CACNA2D1: variants seen among roughly 807,000 people sequenced by gnomAD.
CACNA2D1 encodes the protein calcium voltage-gated channel auxiliary subunit alpha2delta 1.
In CACNA2D1, 53 loss-of-function variants were observed where a neutral mutation model predicts 171.5. The observed-to-expected ratio is 0.31, with a 90% CI of 0.25 to 0.39. The LOEUF (loss-of-function observed/expected upper bound fraction) is 0.39, where lower values mean the gene tolerates loss of function less well. Ranked by LOEUF, CACNA2D1 falls within the 10% of genes least tolerant of loss-of-function variation. CACNA2D1 has a pLI of 1.00. For missense variants in CACNA2D1, 903 were observed against 1,299.8 expected (o/e 0.69, Z 4.69); for synonymous variants, 442 against 443.1 (o/e 1.00, Z 0.03).
chr7:82,348,820 T>G (rs1819543640), intron 2 of CACNA2D1, among the ~76,000 whole-genome samples: 2 of 152,108 alleles, frequency 1.3e-5, no homozygotes, highest in Non-Finnish European at 2.9e-5. Flanking sequence ...CAACACAAAA[T>G]GAGAATATTT....
chr7:82,024,460 C>A (rs143477829), intron 12 of CACNA2D1, among the ~76,000 whole-genome samples: 1,831 of 151,794 alleles, frequency 0.012, 11 homozygotes, highest in Non-Finnish European at 0.02. Context: ...CCAAAAACAT[C>A]AAGTACTTAG....
At chr7:82,246,413 T>C (rs1804932062) in intron 3 of CACNA2D1, among the ~76,000 whole-genome samples, 1 of 152,168 alleles carries the variant, frequency 6.6e-6, no homozygotes, top group Non-Finnish European at 1.5e-5. Flanking sequence ...TTAACCAATC[T>C]ACTATTATTT....
intron 4 of CACNA2D1, among the ~76,000 whole-genome samples, chr7:82,162,478 G>A (rs928416482): frequency 6.6e-6 from 1 of 151,948 alleles, no homozygotes; most frequent in Non-Finnish European, 1.5e-5. Context: ...AAAGGAGGAG[G>A]TCATTTTGCA....
intron 12 of CACNA2D1, among the ~76,000 whole-genome samples, chr7:82,024,317 C>A (rs1003855596): frequency 6.6e-6 from 1 of 151,636 alleles, no homozygotes; most frequent in African/African-American, 2.4e-5. Context: ...CAACACTTGT[C>A]TTTTGTTTCT....
intron 2 of CACNA2D1, among the ~76,000 whole-genome samples, chr7:82,345,868 C>T (rs928690853): frequency 5.9e-5 from 9 of 152,022 alleles, no homozygotes; most frequent in Non-Finnish European, 1.0e-4. Context: ...AGCTTTAATA[C>T]ATTTTTATAT....
chr7:82,019,988 T>C (rs1800986963), intron 12 of CACNA2D1, among the ~76,000 whole-genome samples: 1 of 152,178 alleles, frequency 6.6e-6, no homozygotes, highest in Non-Finnish European at 1.5e-5. Context: ...GTTTCCATAA[T>C]TCACAAATAC....
chr7:82,323,010 T>C (rs1444070726), intron 3 of CACNA2D1, among the ~76,000 whole-genome samples: 1 of 152,206 alleles, frequency 6.6e-6, no homozygotes. Context: ...AGTTAACATT[T>C]AGGAATCAGA....
chr7:82,218,869 G>T (rs561707630), intron 3 of CACNA2D1, among the ~76,000 whole-genome samples: 3 of 150,458 alleles, frequency 2.0e-5, no homozygotes, highest in Non-Finnish European at 4.4e-5. Flanking sequence ...AAATAGTTAT[G>T]TATTTTCATT....
intron 5 of CACNA2D1, among the ~76,000 whole-genome samples, chr7:82,125,099 A>G (rs1415820699): frequency 3.3e-5 from 5 of 152,212 alleles, no homozygotes; most frequent in Non-Finnish European, 4.4e-5. Context: ...AATGTAGACA[A>G]GACTCTGCTG....
rs77667227 is a variant in CACNA2D1, at chr7:82,102,798, T to C, written c.526+14246A>G. Among the ~76,000 whole-genome samples, 171 of 152,232 alleles carry C rather than the reference T, an allele frequency of 1.1e-3. 2 individuals carry two copies. The East Asian group carries it at 0.031, about 28-fold the overall frequency. On this transcript the variant is annotated intron_variant, in intron 6 of 38. Transcript: ENST00000356860. ...CCAATGGAAAAATGTCAACCACATA[T>C]TACCACCCTGCTGCAGGTTAGAAAG...
intron 6 of CACNA2D1, among the ~76,000 whole-genome samples, chr7:82,102,485 TACAC>T (rs951184061): frequency 7.3e-5 from 11 of 151,214 alleles, no homozygotes; most frequent in Admixed American, 3.3e-4. Context: ...TACATATATA[TACAC>T]ACACACACAC....
Position 81,950,464 on chromosome 7 carries a change from G to A in CACNA2D1, c.3204C>T (p.Ser1068=). 1.2e-6 allele frequency: 2 copies of A among 1,612,956 alleles called. No individual in the cohort carries two copies. Among genetic ancestry groups the A allele is most frequent in the Non-Finnish European group, 1.7e-6 (2 of 1,179,536 alleles). The part of the protein sequence containing the change: ...DCGGVSGLNP[S]LWYIIGIQFL... Reference sequence around the variant, plus strand: ...ACTGGATTCCAATGATATACCACAGGGAGGGATTTAATCCAGAAACACCAC... The same window carrying A: ...ACTGGATTCCAATGATATACCACAGAGAGGGATTTAATCCAGAAACACCAC... The change falls in exon 39 of 39, where the codon TCC becomes TCT. Residue 1068 remains serine, a synonymous_variant. Transcript: ENST00000356860.
At chr7:82,276,653 C>G (rs904073748) in intron 3 of CACNA2D1, among the ~76,000 whole-genome samples, 1 of 152,078 alleles carries the variant, frequency 6.6e-6, no homozygotes, top group Non-Finnish European at 1.5e-5. Context: ...GCTTGTCACT[C>G]TATTATTTGA....
At chr7:82,040,338 G>A (rs553694746) in intron 10 of CACNA2D1, among the ~76,000 whole-genome samples, 1 of 151,508 alleles carries the variant, frequency 6.6e-6, no homozygotes, top group South Asian at 2.1e-4. Context: ...GAGAAGCACA[G>A]AGTTCAATTT....
chr7:82,408,303 T>C (rs1478464764), intron 1 of CACNA2D1, among the ~76,000 whole-genome samples: 2 of 152,190 alleles, frequency 1.3e-5, no homozygotes, highest in Non-Finnish European at 2.9e-5. Context: ...ATTACAGGTA[T>C]GTGACTCAGT....
At chr7:82,346,021 G>A (rs796125497) in intron 2 of CACNA2D1, among the ~76,000 whole-genome samples, 1 of 152,128 alleles carries the variant, frequency 6.6e-6, no homozygotes, top group Non-Finnish European at 1.5e-5. Context: ...TGAGTTAGAT[G>A]TGACTAAGTT....
chr7:82,170,787 A>G (rs1032644667), intron 3 of CACNA2D1, among the ~76,000 whole-genome samples, 178 bp from the exon 4 acceptor site: 12 of 152,036 alleles, frequency 7.9e-5, no homozygotes, highest in African/African-American at 2.9e-4. Context: ...TGATGTTTGT[A>G]TATTTACTCT....
At chr7:81,989,867 C>T (rs1239571058) in intron 21 of CACNA2D1, among the ~76,000 whole-genome samples, 1 of 152,002 alleles carries the variant, frequency 6.6e-6, no homozygotes, top group Non-Finnish European at 1.5e-5. Context: ...ACAAAGAGGG[C>T]AAGACAGCAA....
chr7:82,137,167 G>C (rs1791720789), intron 4 of CACNA2D1, among the ~76,000 whole-genome samples: 1 of 152,098 alleles, frequency 6.6e-6, no homozygotes, highest in Admixed American at 6.5e-5. Context: ...GAGCACCAGG[G>C]AATTCAGATA....
Sources: gnomAD v4.1 joint callset for allele counts (sites outside exome capture counted in the v4.1 genomes callset) on GRCh38, gnomAD v4.1.1 for gene constraint, MANE v1.5 for transcripts, NCBI Gene and HGNC (gene_info 2026-07-23, HGNC 2026-07-21) for gene names.